ATXN7L1: variants seen among roughly 807,000 people sequenced by gnomAD.
ATXN7L1 encodes the protein ataxin 7 like 1.
ATXN7L1 carries 15 observed loss-of-function variants against 70.8 expected under a neutral mutation model. The observed-to-expected ratio is 0.21, with a 90% CI of 0.14 to 0.33. The LOEUF (loss-of-function observed/expected upper bound fraction) is 0.33, where lower values mean the gene tolerates loss of function less well. Ranked by LOEUF, ATXN7L1 falls within the 10% of genes least tolerant of loss-of-function variation. The pLI, the probability that ATXN7L1 is intolerant of heterozygous loss-of-function variation, is 1.00. For synonymous variants in ATXN7L1, 440 were observed against 445.1 expected, an observed-to-expected ratio of 0.99 and a Z score of 0.14; for missense variants, 975 against 1,097.1, an observed-to-expected ratio of 0.89 and a Z score of 1.57.
rs1272115451 is a variant in ATXN7L1 at position 105,610,570 on chromosome 7, A to G, written c.2506T>C (p.Ser836Pro). 8.4e-6 allele frequency: 13 copies of G among 1,550,652 alleles called. No homozygotes were observed. The highest frequency in any genetic ancestry group is 1.1e-5 in the Non-Finnish European group (13 of 1,146,838). ...GGGCTGGATATACTTGAAGGACTGG[A>G]TTGTGACAAAGCTAGGCTGCTATTT... Reference protein sequence around the residue: ...GKNSSLALSQSSPSSISSPGH... With the variant: ...GKNSSLALSQPSPSSISSPGH... Residue 836 changes from serine to proline, a missense_variant, in exon 11 of 12, where the codon TCC becomes CCC. Transcript: ENST00000419735.
chr7:105,846,517 G>A (rs1814072665), intron 2 of ATXN7L1, among the ~76,000 whole-genome samples: 1 of 152,124 alleles, frequency 6.6e-6, no homozygotes, highest in Non-Finnish European at 1.5e-5. Flanking sequence ...CATTGTTGGT[G>A]GGAATTTAAA....
intron 2 of ATXN7L1, among the ~76,000 whole-genome samples, chr7:105,827,605 G>C (rs1438985546): frequency 6.6e-6 from 1 of 152,124 alleles, no homozygotes; most frequent in Non-Finnish European, 1.5e-5. Flanking sequence ...TCATATATTC[G>C]GGTTCCGCAA....
intron 3 of ATXN7L1, among the ~76,000 whole-genome samples, chr7:105,698,077 T>C (rs964021513): frequency 3.2e-4 from 48 of 152,072 alleles, no homozygotes; most frequent in Admixed American, 3.9e-4. Context: ...AAGGAAAGCA[T>C]GTTGGTAGCT....
intron 2 of ATXN7L1, among the ~76,000 whole-genome samples, chr7:105,806,065 T>C (rs1041035229): frequency 2.6e-5 from 4 of 152,088 alleles, no homozygotes; most frequent in Admixed American, 1.3e-4. Context: ...AGACATTTAT[T>C]TGGAACTGAC....
chr7:105,746,980 C>T (rs189430033), intron 3 of ATXN7L1, among the ~76,000 whole-genome samples: 4 of 152,258 alleles, frequency 2.6e-5, no homozygotes, highest in East Asian at 1.9e-4. Context: ...TAGATACATG[C>T]GCTATCTGTC....
chr7:105,786,721 C>T (rs188638375), intron 3 of ATXN7L1, among the ~76,000 whole-genome samples: 1 of 151,948 alleles, frequency 6.6e-6, no homozygotes, highest in African/African-American at 2.4e-5. Context: ...CACTATGTTG[C>T]CCAGGCTGGT....
At chr7:105,875,581 A>G (rs1466098254) in intron 2 of ATXN7L1, among the ~76,000 whole-genome samples, 5 of 150,608 alleles carry the variant, frequency 3.3e-5, no homozygotes, top group Non-Finnish European at 7.4e-5. Flanking sequence ...GTGGAGTCCA[A>G]CTGAAGTGCA....
chr7:105,768,860 G>A (rs1033021738), intron 3 of ATXN7L1, among the ~76,000 whole-genome samples: 1 of 152,250 alleles, frequency 6.6e-6, no homozygotes, highest in Non-Finnish European at 1.5e-5. Flanking sequence ...TGTATTCATT[G>A]CATGTAAATC....
At chr7:105,823,025 A>G (rs7792471) in intron 2 of ATXN7L1, among the ~76,000 whole-genome samples, 88,178 of 151,910 alleles carry the variant, frequency 0.58, 26,290 homozygotes, top group East Asian at 0.95. Context: ...AAATAGCTTG[A>G]AAGCCACAGC....
intron 4 of ATXN7L1, among the ~76,000 whole-genome samples, chr7:105,661,943 A>C (rs550923654): frequency 3.3e-5 from 5 of 151,874 alleles, no homozygotes; most frequent in Non-Finnish European, 5.9e-5. Context: ...ACTACGAGCT[A>C]TCTCTCTCCT....
intron 3 of ATXN7L1, among the ~76,000 whole-genome samples, chr7:105,712,898 G>A (rs1794101199): frequency 1.3e-5 from 2 of 152,138 alleles, no homozygotes; most frequent in Non-Finnish European, 2.9e-5. Context: ...TTCACTCCTG[G>A]TAGCAATTTT....
At position 105,607,576 on chromosome 7, in the gene ATXN7L1, C is replaced by A. The variant is rs1308038683; in HGVS notation, c.*276G>T. ...AGCATCAGGAGCTAGGGGAGTGACC[C>A]CAAATTTGGAAGAATGTAAAAACAT... On this transcript the variant is annotated 3_prime_UTR_variant, in exon 12 of 12. Coordinates refer to ENST00000419735, the MANE Select transcript of ATXN7L1 (RefSeq NM_020725.2). 6.1e-6 allele frequency: 3 copies of A among 495,008 alleles called. No individual in the cohort carries two copies. Among genetic ancestry groups the A allele is most frequent in the Non-Finnish European group, 1.1e-5 (3 of 275,524 alleles). 30.7% of individuals were successfully genotyped at this position (495,008 alleles called of 1,614,324 possible). A position where few individuals can be genotyped will look rare whatever the true frequency, so the allele number is the denominator to read the frequency against.
chr7:105,625,924 T>G (rs939997692), intron 7 of ATXN7L1, among the ~76,000 whole-genome samples: 5 of 152,218 alleles, frequency 3.3e-5, no homozygotes, highest in African/African-American at 1.2e-4. Flanking sequence ...AAAAGAAGTT[T>G]TAGAGAAAAA....
chr7:105,761,208 T>C, intron 3 of ATXN7L1: 1 of 1,436,220 alleles, frequency 7.0e-7, no homozygotes. Flanking sequence ...TCAAGCCCAT[T>C]TCCTTACTAG....
At chr7:105,662,070 CCTTCCTTCCTTCTTTCT>C (rs1414857350) in intron 4 of ATXN7L1, among the ~76,000 whole-genome samples, 32 of 83,046 alleles carry the variant, frequency 3.9e-4, no homozygotes, top group South Asian at 2.0e-3. Flanking sequence ...TTCCTTCCTT[CCTTCCTTCCTTCTTTCT>C]TTTCTTTTCT....
Position 105,869,374 on chromosome 7 carries a change from G to A in ATXN7L1, c.250+6438C>T, listed in dbSNP as rs1054998148. ...TGTCTTCCCATCTCCTATTAACATA[G>A]ATAACAGAGTTGTCTATAATGATAA... On this transcript the variant is annotated intron_variant, in intron 2 of 11. Transcript: ENST00000419735. Among the ~76,000 whole-genome samples the A allele has an allele frequency of 3.3e-5, 5 of 152,278 alleles. No individual in the cohort carries two copies. In the East Asian group the frequency reaches 9.7e-4, roughly 29 times the overall value.
intron 3 of ATXN7L1, among the ~76,000 whole-genome samples, chr7:105,767,138 T>C (rs1801377943): frequency 1.3e-5 from 2 of 152,162 alleles, no homozygotes; most frequent in South Asian, 4.2e-4. Flanking sequence ...GCAGAGAAAG[T>C]ATAATATCAG....
intron 2 of ATXN7L1, among the ~76,000 whole-genome samples, chr7:105,873,590 C>T (rs931351590): frequency 6.6e-6 from 1 of 152,110 alleles, no homozygotes; most frequent in African/African-American, 2.4e-5. Flanking sequence ...ACCAGAAAGA[C>T]CATCAGGAAT....
rs148815413 is a variant in ATXN7L1 at position 105,717,213 on chromosome 7, C to T, written c.356-51925G>A. 1.7e-3 allele frequency among the ~76,000 whole-genome samples: 255 copies of T among 152,254 alleles called. 4 individuals are homozygous for T. The highest frequency in any genetic ancestry group is 5.9e-3 in the African/African-American group (244 of 41,542). Reference sequence around the variant, plus strand: ...CACAATATCAGTTCACTGCAACCTCCACCTCCTGGGTTCAACTGATTCTCC... The same window carrying T: ...CACAATATCAGTTCACTGCAACCTCTACCTCCTGGGTTCAACTGATTCTCC... On this transcript the variant is annotated intron_variant, in intron 3 of 11. Coordinates refer to ENST00000419735, the MANE Select transcript of ATXN7L1 (RefSeq NM_020725.2).
Sources: allele counts gnomAD v4.1 joint callset (sites outside exome capture counted in the v4.1 genomes callset), GRCh38; gene constraint gnomAD v4.1.1; transcripts MANE v1.5; gene names NCBI Gene and HGNC (gene_info 2026-07-23, HGNC 2026-07-21).